The following KMT2B variants were observed in gnomAD, a reference collection of about 807,000 sequenced individuals.
The protein encoded by KMT2B is lysine methyltransferase 2B.
Under a neutral mutation model 255.3 loss-of-function variants are expected in KMT2B, and 22 were observed. The ratio of observed to expected loss-of-function variants is 0.09; its 90% CI spans 0.06 to 0.12. KMT2B has a LOEUF of 0.12. Ranked by LOEUF, KMT2B falls within the 10% of genes least tolerant of loss-of-function variation. The pLI, the probability that KMT2B is intolerant of heterozygous loss-of-function variation, is 1.00. For synonymous variants in KMT2B, 1,730 were observed against 1,498.1 expected (o/e 1.15, Z -3.57); for missense variants, 3,149 against 3,737.0 (o/e 0.84, Z 4.10).
rs1373298404 is a variant in KMT2B, at chr19:35,718,443, T to TG, written c.363+65dup. The TG allele has an allele frequency of 4.9e-6, 6 of 1,214,682 alleles. No individual in the cohort carries two copies. In the Admixed American group the frequency reaches 2.6e-4, roughly 53 times the overall value. 75.2% of individuals were successfully genotyped at this position (1,214,682 alleles called of 1,614,324 possible). A position where few individuals can be genotyped will look rare whatever the true frequency, so the allele number is the denominator to read the frequency against. On this transcript the variant is annotated intron_variant, in intron 1 of 36. Coordinates refer to ENST00000420124, the MANE Select transcript of KMT2B (RefSeq NM_014727.3). The surrounding 1 kb of genome is among the most constrained non-coding windows in gnomAD (Gnocchi z 5.0). ...GCGGAGGCCGGGGCTTCCAGGGGTC[T>TG]GGGTTGTCCCGGGGGCGGCGTGGGC...
In KMT2B at chr19:35,722,587, A is replaced by G. The variant is rs1272988976; in HGVS notation, c.2591A>G (p.Gln864Arg). 10 of 1,609,282 alleles carry G rather than the reference A, an allele frequency of 6.2e-6. No homozygotes were observed. Among genetic ancestry groups the G allele is most frequent in the Non-Finnish European group, 8.5e-6 (10 of 1,178,234 alleles). The change falls in exon 5 of 37, where the codon CAA (glutamine) becomes CGA (arginine). Residue 864 changes from glutamine (Q) to arginine (R), a missense_variant. Transcript: ENST00000420124. Reference sequence around the variant, plus strand: ...CCCCAGGGTCCCGAGTCCCCTGTGCAAGGTCCCCGCATCAAACATGTCTGC... The same window carrying G: ...CCCCAGGGTCCCGAGTCCCCTGTGCGAGGTCCCCGCATCAAACATGTCTGC... ...ERPSGPESPV[Q>R]GPRIKHVCRH...
rs753813107 is a variant in KMT2B, at chr19:35,733,361, C to T, written c.6812C>T (p.Pro2271Leu). ...GTGCTGAGCAGTGGGCCAGCCAGCC[C>T]GCCCCGCCAGGCCATCCGCGTCAAG... ...TLVLSSGPAS[P>L]PRQAIRVKRV... The change falls in exon 28 of 37, where the codon CCG becomes CTG. Residue 2271 changes from proline to leucine, a missense_variant. Physicochemically the swap from Pro to Leu is moderately conservative, Grantham distance 98. Around this residue, in one of 18 missense-constraint regions of KMT2B, gnomAD observed 897 missense variants for 825.3 expected, o/e 1.09. Transcript: ENST00000420124. The surrounding 1 kb of genome is among the most constrained non-coding windows in gnomAD (Gnocchi z 4.3). 4.9e-5 allele frequency: 76 copies of T among 1,547,956 alleles called. No homozygotes were observed. In the African/African-American group the frequency reaches 7.9e-4, roughly 16 times the overall value.
chr19:35,733,226 C>T lies in KMT2B; in HGVS notation c.6677C>T (p.Pro2226Leu). The part of the protein sequence containing the change: ...KQPPLPPTIS[P>L]TAPTSWTLPP... ...CCACCTTTGCCCCCCACCATTTCCCCCACGGCTCCCACCTCCTGGACTCTG... is the reference window on the plus strand; with the variant it reads ...CCACCTTTGCCCCCCACCATTTCCCTCACGGCTCCCACCTCCTGGACTCTG... The change falls in exon 28 of 37, where the codon CCC becomes CTC. Residue 2226 changes from proline (P) to leucine (L), a missense_variant. Coordinates refer to ENST00000420124, the MANE Select transcript of KMT2B (RefSeq NM_014727.3). The surrounding 1 kb of genome is among the most constrained non-coding windows in gnomAD (Gnocchi z 4.3). 1 of 1,494,396 alleles carries T rather than the reference C, an allele frequency of 6.7e-7. No homozygotes were observed. Among genetic ancestry groups the T allele is most frequent in the Non-Finnish European group, 9.1e-7 (1 of 1,097,710 alleles). The allele number at this position is 1,494,396 out of a possible 1,614,324, so 92.6% of individuals were successfully genotyped here.
At chr19:35,722,299 A>G in intron 3 of KMT2B, 60 bp from the exon 4 acceptor site, 1 of 1,497,128 alleles carries the variant, frequency 6.7e-7, no homozygotes, top group Non-Finnish European at 8.9e-7. Flanking sequence ...CACCACACCC[A>G]GCTCCCTGTC....
At position 35,733,297 on chromosome 19, in the gene KMT2B, CGCCCT is replaced by C; in HGVS notation, c.6753_6757del (p.Pro2254AlafsTer47). 1 of 1,452,984 alleles carries C rather than the reference CGCCCT, an allele frequency of 6.9e-7. No individual in the cohort carries two copies. Among genetic ancestry groups the C allele is most frequent in the Non-Finnish European group, 9.4e-7 (1 of 1,062,080 alleles). 90.0% of individuals were successfully genotyped at this position (1,452,984 alleles called of 1,614,324 possible). A position where few individuals can be genotyped will look rare whatever the true frequency, so the allele number is the denominator to read the frequency against. On this transcript the variant is annotated frameshift_variant, in exon 28 of 37. Coordinates refer to ENST00000420124, the MANE Select transcript of KMT2B (RefSeq NM_014727.3). LOFTEE classifies it high-confidence loss of function. This position sits in a 1 kb window ranked among gnomAD's most constrained non-coding sequence, Gnocchi z 4.3. The stretch of plus-strand genomic sequence containing the variant: ...CGTGCTGCCCGTGGTCGGAGTGGTC[CGCCCT>C]GCCCCGCCCCCGCCACCCCCTCCCC...
chr19:35,724,844 G>T, intron 9 of KMT2B, 113 bp downstream of exon 9: 1 of 1,146,422 alleles, frequency 8.7e-7, no homozygotes. Flanking sequence ...AGGCCCTGAG[G>T]GATGAGGCGG....
Position 35,723,948 on chromosome 19 carries a change from C to G in KMT2B, c.3275C>G (p.Ser1092Trp), listed in dbSNP as rs775845065. 2 of 1,611,734 alleles carry G rather than the reference C, an allele frequency of 1.2e-6. No homozygotes were observed. Among genetic ancestry groups the G allele is most frequent in the Non-Finnish European group, 1.7e-6 (2 of 1,179,106 alleles). ...CCCTCCTATGATATCTTCGAGGATTCGGATGACTCGGAGCCCGGGGGCCCC... is the reference window on the plus strand; with the variant it reads ...CCCTCCTATGATATCTTCGAGGATTGGGATGACTCGGAGCCCGGGGGCCCC... ...QRPSYDIFED[S>W]DDSEPGGPPA... The change falls in exon 8 of 37, where the codon TCG becomes TGG. Residue 1092 changes from serine (S) to tryptophan (W), a missense_variant. This residue lies in a region of KMT2B where 136 missense variants were observed against 137.3 expected (regional missense o/e 0.99). Transcript: ENST00000420124. The surrounding 1 kb of genome is among the most constrained non-coding windows in gnomAD (Gnocchi z 7.5).
chr19:35,721,053 C>G lies in KMT2B; in HGVS notation c.1706C>G (p.Thr569Ser), dbSNP rs781760377. The part of the protein sequence containing the change: ...VSPVLRPPIT[T>S]SPPVPQEPAP... ...CCTGTCCTGCGACCTCCCATTACCA[C>G]CTCCCCACCTGTTCCCCAGGAGCCA... The change falls in exon 3 of 37, where the codon ACC becomes AGC. Residue 569 changes from threonine (T) to serine (S), a missense_variant. This residue lies in a region of KMT2B where 1,188 missense variants were observed against 1,106.4 expected (regional missense o/e 1.07). Transcript: ENST00000420124. 1 of 1,610,126 alleles carries G rather than the reference C, an allele frequency of 6.2e-7. No homozygotes were observed. Among genetic ancestry groups the G allele is most frequent in the South Asian group, 1.1e-5 (1 of 90,160 alleles).
intron 30 of KMT2B, chr19:35,736,452 G>A (rs1387948426): frequency 3.7e-6 from 2 of 544,178 alleles, no homozygotes; most frequent in Non-Finnish European, 6.6e-6. Flanking sequence ...AGCCTCTGTG[G>A]AATGCTTTTG....
rs1969988608 is a variant in KMT2B at position 35,738,007 on chromosome 19, C to T, written c.7743-55C>T. The stretch of plus-strand genomic sequence containing the variant: ...GGACAGGTGCACTGGGTAGGGGGTA[C>T]TGTCTGGTTTCTGTCCCCCTCCCCC... On this transcript the variant is annotated intron_variant, in intron 35 of 36. Transcript: ENST00000420124. This position sits in a 1 kb window ranked among gnomAD's most constrained non-coding sequence, Gnocchi z 8.7. 1.2e-6 allele frequency: 2 copies of T among 1,612,538 alleles called. No individual in the cohort carries two copies. The highest frequency in any genetic ancestry group is 1.3e-5 in the African/African-American group (1 of 74,858).
rs1237846700 is a variant in KMT2B at position 35,738,598 on chromosome 19, C to T, written c.*41C>T. 3 of 1,587,836 alleles carry T rather than the reference C, an allele frequency of 1.9e-6. No individual in the cohort carries two copies. In the African/African-American group the frequency reaches 4.0e-5, roughly 21 times the overall value. ...CCACGACCCCTCACACCTCCTGCTGCCGTCGCTGCCATCTTGCCCCTAGCC... is the reference window on the plus strand; with the variant it reads ...CCACGACCCCTCACACCTCCTGCTGTCGTCGCTGCCATCTTGCCCCTAGCC... On this transcript the variant is annotated 3_prime_UTR_variant, in exon 37 of 37. Coordinates refer to ENST00000420124, the MANE Select transcript of KMT2B (RefSeq NM_014727.3). The surrounding 1 kb of genome is among the most constrained non-coding windows in gnomAD (Gnocchi z 8.7).
In KMT2B at chr19:35,722,554, G is replaced by A. The variant is rs370268150; in HGVS notation, c.2572-14G>A. 1.8e-5 allele frequency: 28 copies of A among 1,598,094 alleles called. No homozygotes were observed. Among genetic ancestry groups the A allele is most frequent in the African/African-American group, 6.7e-5 (5 of 74,736 alleles). Reference sequence around the variant, plus strand: ...AGCGCAAGCTGCCCACACACACTCCGATTTCTCCCCCAGGGTCCCGAGTCC... The same window carrying A: ...AGCGCAAGCTGCCCACACACACTCCAATTTCTCCCCCAGGGTCCCGAGTCC... On this transcript the variant is annotated splice_polypyrimidine_tract_variant and intron_variant, in intron 4 of 36. Transcript: ENST00000420124.
intron 8 of KMT2B, among the ~76,000 whole-genome samples, 178 bp from the exon 9 acceptor site, chr19:35,724,459 A>G (rs1969349475): frequency 6.6e-6 from 1 of 152,180 alleles, no homozygotes; most frequent in Admixed American, 6.5e-5. Flanking sequence ...GGGTCACGCC[A>G]CTGCATTCCA....
At position 35,736,962 on chromosome 19, in the gene KMT2B, C is replaced by G; in HGVS notation, c.7348C>G (p.Arg2450Gly). 1 of 1,613,822 alleles carries G rather than the reference C, an allele frequency of 6.2e-7. No homozygotes were observed. The highest frequency in any genetic ancestry group is 8.5e-7 in the Non-Finnish European group (1 of 1,179,850). ...AGTGCAAGAGGCCCGAGGGCATGCCCGACTCAGACATCTCTCCTTTAGTGG... is the reference window on the plus strand; with the variant it reads ...AGTGCAAGAGGCCCGAGGGCATGCCGGACTCAGACATCTCTCCTTTAGTGG... ...EKVQEARGHARLRHLSFSGMS... is the reference protein window; with the variant it reads ...EKVQEARGHAGLRHLSFSGMS... Residue 2450 changes from arginine (R) to glycine (G), a missense_variant, in exon 32 of 37, where the codon CGA (arginine) becomes GGA (glycine). Around this residue, in one of 18 missense-constraint regions of KMT2B, gnomAD observed 103 missense variants for 200.7 expected, o/e 0.51. Transcript: ENST00000420124.
chr19:35,721,748 G>A lies in KMT2B; in HGVS notation c.2401G>A (p.Val801Met). 4 of 1,609,982 alleles carry A rather than the reference G, an allele frequency of 2.5e-6. No individual in the cohort carries two copies. The highest frequency in any genetic ancestry group is 3.4e-6 in the Non-Finnish European group (4 of 1,178,132). ...KMFSLLKRAK[V>M]QLFKIDQQQQ... is the part of the protein sequence containing the mutation. Reference sequence around the variant, plus strand: ...GTTCAGCCTCCTCAAGAGAGCCAAAGTGCAGCTATTCAAGATCGATCAGCA... The same window carrying A: ...GTTCAGCCTCCTCAAGAGAGCCAAAATGCAGCTATTCAAGATCGATCAGCA... The change falls in exon 3 of 37, where the codon GTG becomes ATG. Residue 801 changes from valine to methionine, a missense_variant. Physicochemically the swap from Val to Met is conservative, Grantham distance 21. Coordinates refer to ENST00000420124, the MANE Select transcript of KMT2B (RefSeq NM_014727.3).
chr19:35,721,756 A>G lies in KMT2B; in HGVS notation c.2409A>G (p.Leu803=). Residue 803 remains leucine (L), a synonymous_variant, in exon 3 of 37, where the codon CTA becomes CTG. Coordinates refer to ENST00000420124, the MANE Select transcript of KMT2B (RefSeq NM_014727.3). ...FSLLKRAKVQ[L]FKIDQQQQQK... is the part of the protein sequence containing the mutation. ...TCCTCAAGAGAGCCAAAGTGCAGCT[A>G]TTCAAGATCGATCAGCAGCAGCAGC... 6.2e-7 allele frequency: 1 copy of G among 1,606,450 alleles called. No individual in the cohort carries two copies. Among genetic ancestry groups the G allele is most frequent in the South Asian group, 1.1e-5 (1 of 90,370 alleles).
rs763842063 is a variant in KMT2B at position 35,730,449 on chromosome 19, C to T, written c.5184C>T (p.Ile1728=). Residue 1728 remains isoleucine (I), a synonymous_variant, in exon 24 of 37, where the codon ATC becomes ATT. Transcript: ENST00000420124. The stretch of plus-strand genomic sequence containing the variant: ...TGACGGGGCTTGAACCCGATGCCAT[C>T]AACGTGCTCATTGGTAAGCTGCCTG... ...KFLTGLEPDA[I]NVLIGSIRID... 7.0e-5 allele frequency: 113 copies of T among 1,613,758 alleles called. No individual in the cohort carries two copies. The Middle Eastern group carries it at 8.2e-4, about 12-fold the overall frequency.
Position 35,725,752 on chromosome 19 carries a change from T to C in KMT2B, c.3819T>C (p.His1273=), listed in dbSNP as rs1288617076. ...KHLLECERCR[H]AYHPACLGPS... is the part of the protein sequence containing the mutation. ...TCCTGGAGTGCGAGCGCTGCCGCCA[T>C]GCATACCACCCGGCCTGTCTGGGGC... is the stretch of plus-strand genomic sequence containing the variant. The change falls in exon 13 of 37, where the codon CAT becomes CAC. Residue 1273 remains histidine (H), a synonymous_variant. Transcript: ENST00000420124. The surrounding 1 kb of genome is among the most constrained non-coding windows in gnomAD (Gnocchi z 4.1). 26 of 1,605,730 alleles carry C rather than the reference T, an allele frequency of 1.6e-5. No homozygotes were observed. In the East Asian group the frequency reaches 4.3e-4, roughly 26 times the overall value.
At chr19:35,731,746 A>G (rs920013646) in intron 26 of KMT2B, among the ~76,000 whole-genome samples, 162 bp from the exon 27 acceptor site, 2 of 151,840 alleles carry the variant, frequency 1.3e-5, no homozygotes, top group African/African-American at 2.4e-5. Context: ...GGTTTTGCCA[A>G]CTCCACGGTG....
Sources: gnomAD v4.1 joint callset for allele counts (sites outside exome capture counted in the v4.1 genomes callset) on GRCh38, gnomAD v4.1.1 for gene constraint, gnomAD v4.1.1 regional missense constraint, Gnocchi (gnomAD v3.1) non-coding constraint, MANE v1.5 for transcripts, NCBI Gene and HGNC (gene_info 2026-07-23, HGNC 2026-07-21) for gene names.